Variants in WIPF2 observed in about 807,000 individuals in gnomAD.
WIPF2 encodes the protein WAS/WASL interacting protein family member 2, also known as WAS/WASL-interacting protein family member 2.
In WIPF2, 23 loss-of-function variants were observed where a neutral mutation model predicts 38.8. That is an observed-to-expected ratio of 0.59 (90% CI 0.43 to 0.84). WIPF2 has a LOEUF of 0.84. WIPF2 is among the 40% of genes least tolerant of loss of function. The pLI is 0.00. For synonymous variants in WIPF2, 210 were observed against 223.2 expected, an observed-to-expected ratio of 0.94 and a Z score of 0.53; for missense variants, 574 against 580.5, an observed-to-expected ratio of 0.99 and a Z score of 0.11.
intron 5 of WIPF2, among the ~76,000 whole-genome samples, chr17:40,266,670 A>T (rs1386140614): frequency 1.3e-5 from 2 of 152,070 alleles, no homozygotes; most frequent in Non-Finnish European, 2.9e-5. Context: ...TGGGGTTGAG[A>T]GTTGTTTTTT....
intron 1 of WIPF2, among the ~76,000 whole-genome samples, chr17:40,255,736 C>G (rs1241454757): frequency 6.6e-6 from 1 of 151,302 alleles, no homozygotes; most frequent in East Asian, 1.9e-4. Context: ...TCACGCCATT[C>G]TCCTGCCTCA....
At chr17:40,260,895 G>GT (rs2031880520) in intron 3 of WIPF2, 1 of 559,144 alleles carries the variant, frequency 1.8e-6, no homozygotes, top group African/African-American at 1.9e-5. Context: ...GCTCATGCCT[G>GT]TAAGCCCAGC....
intron 1 of WIPF2, among the ~76,000 whole-genome samples, chr17:40,225,024 G>A (rs538807461): frequency 6.6e-6 from 1 of 152,172 alleles, no homozygotes; most frequent in South Asian, 2.1e-4. Flanking sequence ...GATTAGAGTG[G>A]ATGGGGCGTT....
intron 2 of WIPF2, among the ~76,000 whole-genome samples, chr17:40,259,383 C>T (rs942024368): frequency 6.6e-6 from 1 of 150,392 alleles, no homozygotes; most frequent in Non-Finnish European, 1.5e-5. Context: ...TGCAGTGAGC[C>T]GAGATCGCAC....
At chr17:40,271,653 T>C (rs1310901572) in intron 5 of WIPF2, among the ~76,000 whole-genome samples, 2 of 152,214 alleles carry the variant, frequency 1.3e-5, no homozygotes, top group Non-Finnish European at 2.9e-5. Context: ...GACATGTGCC[T>C]TGCCTATTTT....
rs540807736 is a variant in WIPF2, at chr17:40,271,691, A to G, written c.971-2099A>G. Among the ~76,000 whole-genome samples the G allele has an allele frequency of 5.9e-5, 9 of 152,220 alleles. No homozygotes were observed. In the South Asian group the frequency reaches 1.7e-3, roughly 28 times the overall value. On this transcript the variant is annotated intron_variant, in intron 5 of 7. Transcript: ENST00000323571. ...TTTGATCTGTGACCTTAAACAAATA[A>G]CCTGAGTCCCAGTTTTCTCATTTGT...
chr17:40,264,588 A>C lies in WIPF2; in HGVS notation c.412A>C (p.Thr138Pro). The C allele has an allele frequency of 6.2e-7, 1 of 1,614,108 alleles. No homozygotes were observed. Among genetic ancestry groups the C allele is most frequent in the African/African-American group, 1.3e-5 (1 of 75,018 alleles). ...SAASGRPQDD[T>P]DSSRASLPEL... Reference sequence around the variant, plus strand: ...CGCCAGCGGGCGTCCTCAGGATGATACAGACAGCAGCCGGGCCTCACTCCC... The same window carrying C: ...CGCCAGCGGGCGTCCTCAGGATGATCCAGACAGCAGCCGGGCCTCACTCCC... The change falls in exon 5 of 8, where the codon ACA becomes CCA. Residue 138 changes from threonine to proline, a missense_variant. Transcript: ENST00000323571.
intron 5 of WIPF2, among the ~76,000 whole-genome samples, chr17:40,266,897 A>C (rs933716493): frequency 8.5e-5 from 13 of 152,236 alleles, no homozygotes; most frequent in African/African-American, 3.1e-4. Flanking sequence ...GAGGCAGAGC[A>C]TATAGGCTTA....
At chr17:40,267,156 A>G (rs572861934) in intron 5 of WIPF2, among the ~76,000 whole-genome samples, 1 of 152,260 alleles carries the variant, frequency 6.6e-6, no homozygotes, top group African/African-American at 2.4e-5. Context: ...TGGGCCATAC[A>G]TTTCATGTGA....
Position 40,219,393 on chromosome 17 carries a change from G to A in WIPF2, c.-169G>A. The A allele has an allele frequency of 4.8e-6, 2 of 418,290 alleles. No homozygotes were observed. The highest frequency in any genetic ancestry group is 9.1e-6 in the Non-Finnish European group (2 of 220,922). 25.9% of individuals were successfully genotyped at this position (418,290 alleles called of 1,614,324 possible). A position where few individuals can be genotyped will look rare whatever the true frequency, so the allele number is the denominator to read the frequency against. ...TGGCGGCGGCGGCGGCGGCGGCGGC[G>A]GCGGCGACGGCGAGAAAGAGCTTGC... On this transcript the variant is annotated 5_prime_UTR_variant, in exon 1 of 8. Coordinates refer to ENST00000323571, the MANE Select transcript of WIPF2 (RefSeq NM_133264.5).
chr17:40,220,035 G>T (rs2030105413), intron 1 of WIPF2: 1 of 152,192 alleles, frequency 6.6e-6, no homozygotes. Context: ...TCTTTGAAAA[G>T]GAATCAGAAT....
intron 1 of WIPF2, among the ~76,000 whole-genome samples, chr17:40,221,489 C>T (rs1214954052): frequency 1.3e-5 from 2 of 151,916 alleles, no homozygotes; most frequent in Non-Finnish European, 2.9e-5. Context: ...ATCCCAGCTA[C>T]TTGGGAGGCT....
At chr17:40,268,936 G>A (rs906516916) in intron 5 of WIPF2, among the ~76,000 whole-genome samples, 4 of 152,156 alleles carry the variant, frequency 2.6e-5, no homozygotes, top group Non-Finnish European at 5.9e-5. Context: ...TGTAATCCTA[G>A]TGCTTTGGGA....
chr17:40,260,467 G>A (rs1184902421), intron 2 of WIPF2, 68 bp from the exon 3 acceptor site: 13 of 1,577,406 alleles, frequency 8.2e-6, no homozygotes, highest in Admixed American at 6.9e-5. Context: ...GATTACAGGC[G>A]TGAGCCACCG....
intron 1 of WIPF2, among the ~76,000 whole-genome samples, chr17:40,246,376 G>A (rs972798681): frequency 6.7e-5 from 10 of 148,930 alleles, no homozygotes; most frequent in African/African-American, 1.7e-4. Flanking sequence ...GTGAGCCACC[G>A]TGCCCTGCCT....
intron 1 of WIPF2, among the ~76,000 whole-genome samples, chr17:40,250,955 C>T (rs1314586659): frequency 2.1e-5 from 3 of 143,912 alleles, no homozygotes; most frequent in Non-Finnish European, 4.5e-5. Context: ...GCTTTGTCAC[C>T]TAGGCTGGAG....
intron 1 of WIPF2, among the ~76,000 whole-genome samples, chr17:40,231,073 T>C (rs966080848): frequency 2.6e-5 from 4 of 152,206 alleles, no homozygotes; most frequent in African/African-American, 9.6e-5. Context: ...TTTTTATAAC[T>C]TAAAGTAGAC....
chr17:40,232,091 C>T (rs1348942919), intron 1 of WIPF2, among the ~76,000 whole-genome samples: 1 of 148,930 alleles, frequency 6.7e-6, no homozygotes, highest in Non-Finnish European at 1.5e-5. Flanking sequence ...CTGCTCACTG[C>T]AACCTCTGCC....
intron 1 of WIPF2, among the ~76,000 whole-genome samples, chr17:40,253,361 C>G (rs1379387995): frequency 6.6e-6 from 1 of 152,222 alleles, no homozygotes; most frequent in Non-Finnish European, 1.5e-5. Context: ...CGCGCCCGGC[C>G]TATTTTCCCC....
Sources: gnomAD v4.1 joint callset for allele counts (sites outside exome capture counted in the v4.1 genomes callset) on GRCh38, gnomAD v4.1.1 for gene constraint, MANE v1.5 for transcripts, NCBI Gene and HGNC (gene_info 2026-07-23, HGNC 2026-07-21) for gene names.